Variants in CAMTA1 observed in about 807,000 individuals in gnomAD.
CAMTA1 encodes calmodulin binding transcription activator 1.
A neutral mutation model predicts 170.9 loss-of-function variants in CAMTA1; 27 were observed. The ratio of observed to expected loss-of-function variants is 0.16; its 90% CI spans 0.12 to 0.22. The LOEUF is 0.22. Ranked by LOEUF, CAMTA1 falls within the 10% of genes least tolerant of loss-of-function variation. CAMTA1 has a pLI of 1.00. For missense variants in CAMTA1, 1,619 were observed against 2,217.2 expected (o/e 0.73, Z 5.42); for synonymous variants, 833 against 891.5 (o/e 0.93, Z 1.17).
chr1:7,392,320 A>G (rs1377537208), intron 5 of CAMTA1, among the ~76,000 whole-genome samples: 1 of 149,262 alleles, frequency 6.7e-6, no homozygotes, highest in Non-Finnish European at 1.5e-5. Context: ...CAATGGTGCA[A>G]TCTCAGCTCA....
At position 6,970,839 on chromosome 1, in the gene CAMTA1, C is replaced by T. The variant is rs1410042771; in HGVS notation, c.235-120465C>T. Among the ~76,000 whole-genome samples the T allele has an allele frequency of 6.6e-6, 1 of 152,130 alleles. No individual in the cohort carries two copies. The highest frequency in any genetic ancestry group is 1.5e-5 in the Non-Finnish European group (1 of 68,024). On this transcript the variant is annotated intron_variant, in intron 3 of 22. Transcript: ENST00000303635. This position sits in a 1 kb window ranked among gnomAD's most constrained non-coding sequence, Gnocchi z 4.4. Reference sequence around the variant, plus strand: ...CCAACAACCTCAGGAGAATGAACAGCCAGGTGTTCCCTGAGGCCAGTGGTA... The same window carrying T: ...CCAACAACCTCAGGAGAATGAACAGTCAGGTGTTCCCTGAGGCCAGTGGTA...
intron 5 of CAMTA1, among the ~76,000 whole-genome samples, chr1:7,354,433 G>A (rs1396100211): frequency 6.6e-6 from 1 of 152,222 alleles, no homozygotes; most frequent in Non-Finnish European, 1.5e-5. Flanking sequence ...ACAGGCTTGA[G>A]CCACCGCGCC....
intron 3 of CAMTA1, among the ~76,000 whole-genome samples, chr1:7,066,653 T>C (rs12076446): frequency 0.12 from 17,851 of 152,254 alleles, 1,112 homozygotes; most frequent in East Asian, 0.17. Flanking sequence ...AAACCTTAAA[T>C]ATTAAATGTC....
At chr1:6,952,459 GATAAC>G (rs1688676251) in intron 3 of CAMTA1, among the ~76,000 whole-genome samples, 1 of 137,326 alleles carries the variant, frequency 7.3e-6, no homozygotes, top group East Asian at 2.2e-4. Flanking sequence ...AAAAAAAAGA[GATAAC>G]ATAGTGAAGA....
intron 4 of CAMTA1, among the ~76,000 whole-genome samples, chr1:7,136,370 G>T (rs1449688450): frequency 6.6e-6 from 1 of 151,956 alleles, no homozygotes; most frequent in Non-Finnish European, 1.5e-5. Flanking sequence ...CCCTTTCCTT[G>T]TGTGCCAGAT....
chr1:7,028,466 G>A (rs1702306799), intron 3 of CAMTA1, among the ~76,000 whole-genome samples: 1 of 152,200 alleles, frequency 6.6e-6, no homozygotes, highest in Non-Finnish European at 1.5e-5. Context: ...TAGCACAGGT[G>A]TCTTCATGAG....
intron 6 of CAMTA1, among the ~76,000 whole-genome samples, chr1:7,491,509 G>GCCAATT (rs2093702955): frequency 6.6e-6 from 1 of 152,192 alleles, no homozygotes; most frequent in East Asian, 1.9e-4. Flanking sequence ...CTTAAAACAG[G>GCCAATT]GCTTGGCGTG....
In CAMTA1 at chr1:6,803,548, C is replaced by T. The variant is rs140391666; in HGVS notation, c.46-16633C>T. ...ACTAGCCTGCGCACCGTTGAATTCT[C>T]TGAATTTACAGCTGTTTAGTCATTG... On this transcript the variant is annotated intron_variant, in intron 1 of 22. Transcript: ENST00000303635. Among the ~76,000 whole-genome samples, 39 of 152,318 alleles carry T rather than the reference C, an allele frequency of 2.6e-4. 1 individual carries two copies. Among genetic ancestry groups the T allele is most frequent in the African/African-American group, 8.7e-4 (36 of 41,574 alleles).
At chr1:7,153,542 C>T (rs1646697062) in intron 4 of CAMTA1, among the ~76,000 whole-genome samples, 1 of 152,072 alleles carries the variant, frequency 6.6e-6, no homozygotes, top group Non-Finnish European at 1.5e-5. Context: ...TGTCGGAGAC[C>T]TCCTGAAGAA....
At position 7,680,842 on chromosome 1, in the gene CAMTA1, A is replaced by ACGCGCGCGCGCG. The variant is rs1553247058; in HGVS notation, c.2914+3117_2914+3128dup. On this transcript the variant is annotated intron_variant, in intron 11 of 22. Coordinates refer to ENST00000303635, the MANE Select transcript of CAMTA1 (RefSeq NM_015215.4). This position sits in a 1 kb window ranked among gnomAD's most constrained non-coding sequence, Gnocchi z 4.4. ...GGCGTGGGTCCGGGGCGCAGAGAAC[A>ACGCGCGCGCGCG]CGCGCGCGCGCGCGCGCGCCAGCAG... Among the ~76,000 whole-genome samples, 2 of 141,052 alleles carry ACGCGCGCGCGCG rather than the reference A, an allele frequency of 1.4e-5. No homozygotes were observed. The highest frequency in any genetic ancestry group is 3.1e-5 in the Non-Finnish European group (2 of 63,774). The allele number at this position is 141,052 out of a possible 152,430, so 92.5% of individuals were successfully genotyped here.
chr1:7,669,944 G>C (rs902031155), intron 9 of CAMTA1, among the ~76,000 whole-genome samples: 1 of 152,200 alleles, frequency 6.6e-6, no homozygotes, highest in Non-Finnish European at 1.5e-5. Flanking sequence ...AGGACTGCCC[G>C]GGCCCCGGAC....
At position 7,732,497 on chromosome 1, in the gene CAMTA1, G is replaced by T. The variant is rs763937607; in HGVS notation, c.2964G>T (p.Arg988Ser). 5.0e-6 allele frequency: 8 copies of T among 1,613,908 alleles called. No individual in the cohort carries two copies. In the African/African-American group the frequency reaches 1.1e-4, roughly 22 times the overall value. ...TGGAACGACTGGAGCAGATGGAGAG[G>T]AGGATGGCCGAGATGACGGGGTCCC... Reference protein sequence around the residue: ...SILERLEQMERRMAEMTGSQQ... With the variant: ...SILERLEQMESRMAEMTGSQQ... Residue 988 changes from arginine (R) to serine (S), a missense_variant, in exon 12 of 23, where the codon AGG becomes AGT. Arg to Ser is a moderately radical substitution (Grantham distance 110, BLOSUM62 -1). Coordinates refer to ENST00000303635, the MANE Select transcript of CAMTA1 (RefSeq NM_015215.4). This position sits in a 1 kb window ranked among gnomAD's most constrained non-coding sequence, Gnocchi z 4.1.
At chr1:7,038,837 C>T (rs193225693) in intron 3 of CAMTA1, among the ~76,000 whole-genome samples, 204 of 152,198 alleles carry the variant, frequency 1.3e-3, no homozygotes, top group African/African-American at 4.8e-3. Flanking sequence ...GTCAGGAGTT[C>T]GAGACCAGTA....
Position 7,013,708 on chromosome 1 carries a change from G to T in CAMTA1, c.235-77596G>T, listed in dbSNP as rs534246170. On this transcript the variant is annotated intron_variant, in intron 3 of 22. Coordinates refer to ENST00000303635, the MANE Select transcript of CAMTA1 (RefSeq NM_015215.4). ...GAGTGCTGGACTCACCGCCCCCCTG[G>T]TGTGGACAAGCCCCTCTGTGATCTG... 2.0e-5 allele frequency among the ~76,000 whole-genome samples: 3 copies of T among 152,250 alleles called. No homozygotes were observed. The South Asian group carries it at 6.2e-4, about 32-fold the overall frequency.
In CAMTA1 at chr1:7,310,584, T is replaced by TTTTTC. The variant is rs139275874; in HGVS notation, c.438+60977_438+60981dup. On this transcript the variant is annotated intron_variant, in intron 5 of 22. Transcript: ENST00000303635. ...TCTCTGGCTGCTTTCAAGATTTTTC[T>TTTTTC]TTTTCTTTTCTTTTCTTTTCTTTCT... 1.2e-3 allele frequency among the ~76,000 whole-genome samples: 163 copies of TTTTTC among 132,278 alleles called. 4 individuals are homozygous for TTTTTC. The highest frequency in any genetic ancestry group is 3.0e-3 in the African/African-American group (94 of 31,682). 86.8% of individuals were successfully genotyped at this position (132,278 alleles called of 152,430 possible). A position where few individuals can be genotyped will look rare whatever the true frequency, so the allele number is the denominator to read the frequency against.
chr1:7,270,843 A>G (rs1254186746), intron 5 of CAMTA1, among the ~76,000 whole-genome samples: 1 of 152,220 alleles, frequency 6.6e-6, no homozygotes, highest in Non-Finnish European at 1.5e-5. Context: ...GTAAGTAAAT[A>G]TAAGATACTT....
chr1:7,704,883 C>A (rs868487123), intron 11 of CAMTA1, among the ~76,000 whole-genome samples: 19 of 145,620 alleles, frequency 1.3e-4, no homozygotes, highest in African/African-American at 4.0e-4. Context: ...GAGCCGAGCT[C>A]AGCAGGTCCG....
In CAMTA1 at chr1:7,094,688, G is replaced by A. The variant is rs563443375; in HGVS notation, c.302+3317G>A. Among the ~76,000 whole-genome samples, 53 of 152,202 alleles carry A rather than the reference G, an allele frequency of 3.5e-4. 2 individuals are homozygous for A. The South Asian group carries it at 9.3e-3, about 27-fold the overall frequency. On this transcript the variant is annotated intron_variant, in intron 4 of 22. Transcript: ENST00000303635. ...AGCCCCAGCTCACCTGTTTAATAAT[G>A]AGGTGTGCTACACGGAGGCTCCCAG...
At position 6,954,165 on chromosome 1, in the gene CAMTA1, T is replaced by C. The variant is rs189061999; in HGVS notation, c.234+128955T>C. On this transcript the variant is annotated intron_variant, in intron 3 of 22. Coordinates refer to ENST00000303635, the MANE Select transcript of CAMTA1 (RefSeq NM_015215.4). ...CAGCCAGCCAGCCAGCTGGGAAAGC[T>C]GGTCCCACATCATGGCTTTCTAAAT... Among the ~76,000 whole-genome samples the C allele has an allele frequency of 1.2e-4, 19 of 152,324 alleles. 1 individual carries two copies. The highest frequency in any genetic ancestry group is 9.8e-4 in the Admixed American group (15 of 15,304).
Sources: allele counts gnomAD v4.1 joint callset (sites outside exome capture counted in the v4.1 genomes callset), GRCh38; gene constraint gnomAD v4.1.1; non-coding constraint Gnocchi (gnomAD v3.1); transcripts MANE v1.5; gene names NCBI Gene and HGNC (gene_info 2026-07-23, HGNC 2026-07-21).